Variants in IL1RAPL2 observed in about 807,000 individuals in gnomAD.
IL1RAPL2 encodes the protein interleukin 1 receptor accessory protein like 2.
Under a neutral mutation model 44.1 loss-of-function variants are expected in IL1RAPL2, and 3 were observed. The ratio of observed to expected loss-of-function variants is 0.07; its 90% CI spans 0.03 to 0.18. The LOEUF is 0.18. Among genes scored for constraint, IL1RAPL2 ranks in the 10% least tolerant of loss-of-function variants. The pLI is 1.00. For synonymous variants in IL1RAPL2, 181 were observed against 178.8 expected (o/e 1.01, Z -0.10); for missense variants, 391 against 496.4 (o/e 0.79, Z 2.02).
intron 10 of IL1RAPL2, among the ~76,000 whole-genome samples, chrX:105,757,781 G>A (rs753112497): frequency 2.7e-5 from 3 of 111,677 alleles, no homozygotes; most frequent in African/African-American, 9.7e-5. Context: ...ATTTGCGAGT[G>A]TAACCTGCAG....
intron 5 of IL1RAPL2, among the ~76,000 whole-genome samples, chrX:105,403,394 A>G (rs2035619465): frequency 9.0e-6 from 1 of 111,009 alleles, no homozygotes; most frequent in East Asian, 2.9e-4. Context: ...TTTTTTTTCT[A>G]AAGTATAAAA....
chrX:105,597,906 A>G (rs2037223396), intron 6 of IL1RAPL2, among the ~76,000 whole-genome samples: 1 of 111,511 alleles, frequency 9.0e-6, no homozygotes, highest in Admixed American at 9.5e-5. Flanking sequence ...ATTTTTTTTC[A>G]AAAAAATTAA....
chrX:105,200,728 A>G (rs1174431284), intron 3 of IL1RAPL2, among the ~76,000 whole-genome samples: 2 of 111,649 alleles, frequency 1.8e-5, no homozygotes, highest in Admixed American at 9.5e-5. Flanking sequence ...CCTGGCCAGT[A>G]TGGCGAAACC....
intron 2 of IL1RAPL2, among the ~76,000 whole-genome samples, chrX:105,034,264 T>C (rs2031576354): frequency 8.9e-6 from 1 of 112,426 alleles, no homozygotes; most frequent in African/African-American, 3.2e-5. Flanking sequence ...CTGTTGCTGG[T>C]GAGGAGCTGC....
At chrX:105,145,089 C>G (rs2033167651) in intron 2 of IL1RAPL2, among the ~76,000 whole-genome samples, 1 of 111,691 alleles carries the variant, frequency 9.0e-6, no homozygotes, top group Non-Finnish European at 1.9e-5. Context: ...TTTCTTGAAC[C>G]TATTTCCTAT....
At chrX:104,751,729 G>A (rs761738301) in intron 2 of IL1RAPL2, among the ~76,000 whole-genome samples, 5 of 111,065 alleles carry the variant, frequency 4.5e-5, no homozygotes, top group Admixed American at 9.6e-5. Context: ...GTATGCCAGG[G>A]TTAATATGAA....
chrX:104,646,628 T>C (rs1930045771), intron 1 of IL1RAPL2, among the ~76,000 whole-genome samples: 2 of 112,206 alleles, frequency 1.8e-5, no homozygotes, highest in Non-Finnish European at 3.8e-5. Flanking sequence ...ACTTATGTAA[T>C]GTGTTGGCTA....
rs1191048431 is a variant in IL1RAPL2 at position 105,447,100 on chromosome X, TATATATAA to T, written c.698-37211_698-37204del. Among the ~76,000 whole-genome samples, 178 of 58,230 alleles carry T rather than the reference TATATATAA, an allele frequency of 3.1e-3. 9 individuals are homozygous for T. The highest frequency in any genetic ancestry group is 0.018 in the African/African-American group (170 of 9,297). The allele number at this position is 58,230 out of a possible 115,157, so 50.6% of individuals were successfully genotyped here. ...TTATATATATATATATATATATATA[TATATATAA>T]AAATATATATAAATATAAATATATA... On this transcript the variant is annotated intron_variant, in intron 5 of 10. Transcript: ENST00000372582.
At chrX:105,029,177 G>T (rs2031430330) in intron 2 of IL1RAPL2, among the ~76,000 whole-genome samples, 1 of 106,342 alleles carries the variant, frequency 9.4e-6, no homozygotes, top group Non-Finnish European at 1.9e-5. Context: ...ATGACATCAT[G>T]ATTTTATGTT....
chrX:104,839,578 G>C (rs763996135), intron 2 of IL1RAPL2, among the ~76,000 whole-genome samples: 3 of 111,817 alleles, frequency 2.7e-5, no homozygotes, highest in African/African-American at 9.8e-5. Flanking sequence ...CCAGGTTTTG[G>C]TATCAGGATG....
rs1209826983 is a variant in IL1RAPL2, at chrX:104,609,657, T to C, written c.-20+42606T>C. On this transcript the variant is annotated intron_variant, in intron 1 of 10. Transcript: ENST00000372582. The stretch of plus-strand genomic sequence containing the variant: ...TGATCGAATCAGCTTTTGAAGCTTG[T>C]ACATGCTTCACGAAGTTCTCATGCT... 2.7e-5 allele frequency among the ~76,000 whole-genome samples: 3 copies of C among 111,971 alleles called. No homozygotes were observed. The Admixed American group carries it at 2.9e-4, about 11-fold the overall frequency.
chrX:105,078,195 G>A (rs1050682147), intron 2 of IL1RAPL2, among the ~76,000 whole-genome samples: 4 of 111,232 alleles, frequency 3.6e-5, no homozygotes, highest in African/African-American at 6.5e-5. Context: ...TGATGGTGAC[G>A]TATAGATGGG....
chrX:105,630,614 C>G (rs772406768), intron 6 of IL1RAPL2, among the ~76,000 whole-genome samples: 2 of 108,372 alleles, frequency 1.8e-5, no homozygotes, highest in African/African-American at 3.4e-5. Flanking sequence ...GATCTGTGCC[C>G]TTAAAGGTTT....
At chrX:105,385,939 T>G (rs747730764) in intron 5 of IL1RAPL2, among the ~76,000 whole-genome samples, 2 of 111,796 alleles carry the variant, frequency 1.8e-5, no homozygotes, top group African/African-American at 6.5e-5. Flanking sequence ...CTCCTTTCTT[T>G]TTCCAGTAAT....
chrX:105,409,900 A>G, intron 5 of IL1RAPL2, among the ~76,000 whole-genome samples: 1 of 109,416 alleles, frequency 9.1e-6, no homozygotes, highest in South Asian at 4.0e-4. Context: ...GTTGGAAAAC[A>G]TATTTTAAAC....
chrX:105,535,026 G>A (rs930377967), intron 6 of IL1RAPL2, among the ~76,000 whole-genome samples: 24 of 111,743 alleles, frequency 2.1e-4, no homozygotes, highest in African/African-American at 6.5e-4. Flanking sequence ...ACAAGTTGAC[G>A]TCATCAAAAT....
At chrX:105,243,561 A>ATG (rs1556210850) in intron 4 of IL1RAPL2, among the ~76,000 whole-genome samples, 3 of 88,486 alleles carry the variant, frequency 3.4e-5, no homozygotes, top group South Asian at 4.8e-4. Context: ...ATATATATAT[A>ATG]TGTGTGTATA....
intron 7 of IL1RAPL2, 150 bp from the exon 8 acceptor site, chrX:105,740,396 A>G: frequency 2.3e-6 from 1 of 428,212 alleles, no homozygotes; most frequent in Non-Finnish European, 4.0e-6. Context: ...GTTTTCTTGT[A>G]GAAGGTCCCA....
At chrX:104,745,477 A>C (rs1443099921) in intron 2 of IL1RAPL2, among the ~76,000 whole-genome samples, 2 of 112,338 alleles carry the variant, frequency 1.8e-5, no homozygotes, top group Admixed American at 9.4e-5. Flanking sequence ...TCATTTTTGC[A>C]GCAGTGCATA....
Sources: allele counts gnomAD v4.1 joint callset (sites outside exome capture counted in the v4.1 genomes callset), GRCh38; gene constraint gnomAD v4.1.1; transcripts MANE v1.5; gene names NCBI Gene and HGNC (gene_info 2026-07-23, HGNC 2026-07-21).